The following PRELID2 variants were observed in gnomAD, a reference collection of about 807,000 sequenced individuals.
PRELID2 encodes PRELI domain-containing protein 2.
PRELID2 carries 25 observed loss-of-function variants against 28.4 expected under a neutral mutation model. That is an observed-to-expected ratio of 0.88 (90% CI 0.64 to 1.23). The LOEUF is 1.23. Ranked by LOEUF, PRELID2 falls within the 50% of genes most tolerant of loss-of-function variation. PRELID2 has a pLI of 0.00. For missense variants in PRELID2, 201 were observed against 214.4 expected (o/e 0.94, Z 0.39); for synonymous variants, 76 against 71.6 (o/e 1.06, Z -0.31).
the PRELID2 span, chr5:145,230,175 T>G: frequency 2.5e-6 from 1 of 402,416 alleles, no homozygotes; most frequent in Non-Finnish European, 4.7e-6. Context: ...CTAGTGGGGC[T>G]GCCAGGCCCC....
intron 1 of PRELID2, among the ~76,000 whole-genome samples, chr5:145,675,198 G>A (rs1754789983): frequency 2.0e-5 from 3 of 151,838 alleles, no homozygotes; most frequent in South Asian, 4.2e-4. Flanking sequence ...ATAGAGGAAA[G>A]AATAAATCGA....
chr5:145,744,987 A>C (rs1329099005), intron 1 of PRELID2, among the ~76,000 whole-genome samples: 2 of 152,112 alleles, frequency 1.3e-5, no homozygotes, highest in East Asian at 3.9e-4. Context: ...GGAGCTGCTA[A>C]CTAGAAAAAC....
chr5:145,520,141 C>T (rs942119965), intron 1 of PRELID2, among the ~76,000 whole-genome samples: 1 of 152,144 alleles, frequency 6.6e-6, no homozygotes, highest in Non-Finnish European at 1.5e-5. Flanking sequence ...TGTAAAGGAA[C>T]ATTTTCCCGC....
downstream of PRELID2, among the ~76,000 whole-genome samples, chr5:145,469,243 T>C (rs1186806876): frequency 2.0e-5 from 3 of 152,116 alleles, no homozygotes; most frequent in Non-Finnish European, 4.4e-5. Flanking sequence ...TAAAATACTA[T>C]CTAGATATAG....
intron 1 of PRELID2, among the ~76,000 whole-genome samples, chr5:145,650,575 T>G (rs1445544343): frequency 8.6e-5 from 9 of 105,188 alleles, no homozygotes; most frequent in Non-Finnish European, 1.4e-4. Flanking sequence ...TATATATATA[T>G]AGACTAAAAT....
intron 1 of PRELID2, among the ~76,000 whole-genome samples, chr5:145,526,501 T>C (rs1350206171): frequency 2.6e-5 from 4 of 152,104 alleles, no homozygotes; most frequent in South Asian, 2.1e-4. Flanking sequence ...GGCCAGGCCA[T>C]GAAGAGCCCA....
chr5:145,509,117 T>C (rs1752439581), intron 1 of PRELID2, among the ~76,000 whole-genome samples: 1 of 152,008 alleles, frequency 6.6e-6, no homozygotes, highest in South Asian at 2.1e-4. Context: ...GCTGAAAAAA[T>C]GAAGTGCATG....
At chr5:145,300,816 G>T in the PRELID2 span, among the ~76,000 whole-genome samples, 2 of 147,712 alleles carry the variant, frequency 1.4e-5, no homozygotes, top group Non-Finnish European at 3.0e-5. Context: ...CCACCACCTA[G>T]ACACAAAGTT....
intron 5 of PRELID2, among the ~76,000 whole-genome samples, chr5:145,794,739 A>G (rs1232095322): frequency 6.6e-6 from 1 of 152,176 alleles, no homozygotes; most frequent in East Asian, 1.9e-4. Context: ...TAAAATGGGA[A>G]TAAAAATTTC....
At chr5:145,576,722 T>C (rs1174138121) in intron 1 of PRELID2, among the ~76,000 whole-genome samples, 4 of 150,446 alleles carry the variant, frequency 2.7e-5, no homozygotes, top group Non-Finnish European at 5.9e-5. Context: ...CAAAAATAGA[T>C]AGAAGGAATA....
chr5:145,296,852 A>T, the PRELID2 span, among the ~76,000 whole-genome samples: 124 of 152,192 alleles, frequency 8.1e-4, no homozygotes, highest in African/African-American at 2.6e-3. Flanking sequence ...CTCCAGCACC[A>T]GTTGTTTCCT....
At chr5:145,297,330 T>C in the PRELID2 span, among the ~76,000 whole-genome samples, 1 of 152,028 alleles carries the variant, frequency 6.6e-6, no homozygotes, top group African/African-American at 2.4e-5. Flanking sequence ...TTTTAGGAAA[T>C]GTAATCCAGC....
the PRELID2 span, among the ~76,000 whole-genome samples, chr5:145,277,676 A>G: frequency 6.6e-6 from 1 of 152,270 alleles, no homozygotes; most frequent in Non-Finnish European, 1.5e-5. Context: ...CTCAGCTCTC[A>G]GCCTCCTCTA....
intron 1 of PRELID2, among the ~76,000 whole-genome samples, chr5:145,623,758 T>G (rs543939775): frequency 6.6e-5 from 10 of 152,294 alleles, no homozygotes; most frequent in African/African-American, 2.2e-4. Flanking sequence ...GGATCTGAAC[T>G]CTTTTTGCTC....
downstream of PRELID2, among the ~76,000 whole-genome samples, chr5:145,467,825 C>T (rs1752015907): frequency 6.6e-6 from 1 of 151,530 alleles, no homozygotes; most frequent in Non-Finnish European, 1.5e-5. Flanking sequence ...ACTGTCATGC[C>T]ATATATGCTT....
chr5:145,550,737 G>T (rs1752826377), intron 1 of PRELID2, among the ~76,000 whole-genome samples: 2 of 152,172 alleles, frequency 1.3e-5, no homozygotes, highest in African/African-American at 4.8e-5. Flanking sequence ...GCATTAAATG[G>T]AATGGCACAA....
the PRELID2 span, among the ~76,000 whole-genome samples, chr5:145,314,541 GT>G: frequency 1.3e-5 from 2 of 151,522 alleles, no homozygotes; most frequent in Non-Finnish European, 2.9e-5. Flanking sequence ...TTTACATGGG[GT>G]TTTGAAGGAA....
At chr5:145,803,558 T>C (rs1753291049) in intron 4 of PRELID2, among the ~76,000 whole-genome samples, 1 of 152,120 alleles carries the variant, frequency 6.6e-6, no homozygotes, top group Admixed American at 6.5e-5. Flanking sequence ...TTCGCTCTTC[T>C]CTAAAATGGG....
chr5:145,807,464 A>C (rs892790978), intron 4 of PRELID2, among the ~76,000 whole-genome samples: 23 of 152,166 alleles, frequency 1.5e-4, no homozygotes, highest in Admixed American at 6.5e-5. Context: ...AAATGCGCAG[A>C]GCATGTCTAT....
Sources: allele counts gnomAD v4.1 joint callset (sites outside exome capture counted in the v4.1 genomes callset), GRCh38; gene constraint gnomAD v4.1.1; transcripts MANE v1.5; gene names NCBI Gene and HGNC (gene_info 2026-07-23, HGNC 2026-07-21).